The following SGMS1 variants were observed in gnomAD, a reference collection of about 807,000 sequenced individuals.
SGMS1 encodes phosphatidylcholine:ceramide cholinephosphotransferase 1.
SGMS1 carries 13 observed loss-of-function variants against 46.2 expected under a neutral mutation model. That is an observed-to-expected ratio of 0.28 (90% CI 0.18 to 0.45). SGMS1 has a LOEUF of 0.45. Among genes scored for constraint, SGMS1 ranks in the 20% least tolerant of loss-of-function variants. SGMS1 has a pLI of 1.00. For missense variants in SGMS1, 324 were observed against 519.9 expected (o/e 0.62, Z 3.66); for synonymous variants, 203 against 187.8 (o/e 1.08, Z -0.66).
chr10:50,348,664 A>G (rs923266559), intron 6 of SGMS1, among the ~76,000 whole-genome samples: 1 of 152,228 alleles, frequency 6.6e-6, no homozygotes, highest in African/African-American at 2.4e-5. Flanking sequence ...AGGAAATAAG[A>G]GATGACACAA....
At chr10:50,510,043 C>A (rs553801002) in intron 3 of SGMS1, among the ~76,000 whole-genome samples, 25 of 152,180 alleles carry the variant, frequency 1.6e-4, no homozygotes, top group African/African-American at 5.8e-4. Flanking sequence ...TTCCCTATGC[C>A]CTTTGTAGTC....
chr10:50,403,956 A>G (rs574338990), intron 6 of SGMS1, among the ~76,000 whole-genome samples: 1 of 152,114 alleles, frequency 6.6e-6, no homozygotes, highest in African/African-American at 2.4e-5. Context: ...CTTACACCAA[A>G]ATAAAAATCT....
chr10:50,392,200 A>AC (rs1303783261), intron 6 of SGMS1, among the ~76,000 whole-genome samples: 3 of 151,892 alleles, frequency 2.0e-5, no homozygotes, highest in Non-Finnish European at 2.9e-5. Context: ...TAAAAAAAAA[A>AC]AAACTGAAAT....
intron 6 of SGMS1, among the ~76,000 whole-genome samples, chr10:50,352,561 G>A (rs753436890): frequency 2.0e-5 from 3 of 152,112 alleles, no homozygotes; most frequent in Admixed American, 1.3e-4. Context: ...GAAATACTTC[G>A]TTCATATCTA....
At position 50,327,219 on chromosome 10, in the gene SGMS1, T is replaced by G; in HGVS notation, c.727A>C (p.Asn243His). 1 of 1,579,366 alleles carries G rather than the reference T, an allele frequency of 6.3e-7. No homozygotes were observed. Residue 243 changes from asparagine to histidine, a missense_variant, in exon 8 of 11, where the codon AAC (asparagine) becomes CAC (histidine). Physicochemically the swap from Asn to His is moderately conservative, Grantham distance 68 (BLOSUM62 1). Transcript: ENST00000361781. ...TTLPVPGMHF[N>H]CSPKLFGDWE... ...GAATAGTTTACCTTCGGAGAACAGT[T>G]GAAATGCATACCAGGTACTGGGAGT...
chr10:50,387,367 C>T (rs1255117864), intron 6 of SGMS1, among the ~76,000 whole-genome samples: 1 of 152,162 alleles, frequency 6.6e-6, no homozygotes, highest in Non-Finnish European at 1.5e-5. Flanking sequence ...AAACTTCCAC[C>T]ATGGAGGGAG....
At chr10:50,410,118 C>T (rs1208297422) in intron 6 of SGMS1, among the ~76,000 whole-genome samples, 5 of 152,262 alleles carry the variant, frequency 3.3e-5, no homozygotes, top group East Asian at 3.9e-4. Context: ...TTCTTTTACT[C>T]GTTTACATGA....
At position 50,329,350 on chromosome 10, in the gene SGMS1, G is replaced by A. The variant is rs75064124; in HGVS notation, c.624-2028C>T. ...AGTCACATTTACTATTTGACTTAAA[G>A]TGAAAGAGTCAAATGACTTTGAAAA... On this transcript the variant is annotated intron_variant, in intron 7 of 10. Coordinates refer to ENST00000361781, the MANE Select transcript of SGMS1 (RefSeq NM_147156.4). Among the ~76,000 whole-genome samples the A allele has an allele frequency of 9.9e-3, 1,511 of 152,286 alleles. 16 individuals carry two copies. Among genetic ancestry groups the A allele is most frequent in the African/African-American group, 0.034 (1,432 of 41,560 alleles).
chr10:50,529,815 T>C (rs1358039404), intron 2 of SGMS1, among the ~76,000 whole-genome samples: 1 of 152,098 alleles, frequency 6.6e-6, no homozygotes, highest in Non-Finnish European at 1.5e-5. Context: ...CTCTAAACAA[T>C]TAATTACTAT....
At chr10:50,498,939 G>A (rs763208843) in intron 3 of SGMS1, among the ~76,000 whole-genome samples, 16 of 152,084 alleles carry the variant, frequency 1.1e-4, no homozygotes, top group Non-Finnish European at 1.6e-4. Context: ...AATAGTGCAC[G>A]AGTGTTCCAA....
chr10:50,503,213 G>A (rs1837676439), intron 3 of SGMS1, among the ~76,000 whole-genome samples: 1 of 152,102 alleles, frequency 6.6e-6, no homozygotes, highest in Non-Finnish European at 1.5e-5. Context: ...CTTACTACCT[G>A]GGCCAGAGAG....
At chr10:50,611,766 T>C (rs905659096) in intron 1 of SGMS1, among the ~76,000 whole-genome samples, 1 of 152,182 alleles carries the variant, frequency 6.6e-6, no homozygotes, top group African/African-American at 2.4e-5. Flanking sequence ...CTGTGCACCT[T>C]CATCCCTGCC....
At chr10:50,374,083 CTT>C (rs1848485919) in intron 6 of SGMS1, among the ~76,000 whole-genome samples, 1 of 152,284 alleles carries the variant, frequency 6.6e-6, no homozygotes, top group Admixed American at 6.5e-5. Flanking sequence ...GAGCTTTTCT[CTT>C]TGGCACAAAG....
rs1837577475 is a variant in SGMS1, at chr10:50,492,756, T to C, written c.-497-25824A>G. Among the ~76,000 whole-genome samples, 3 of 152,166 alleles carry C rather than the reference T, an allele frequency of 2.0e-5. No individual in the cohort carries two copies. In the South Asian group the frequency reaches 6.2e-4, roughly 32 times the overall value. Reference sequence around the variant, plus strand: ...AAACCAATCTGATTCAATGCTTTCCTATTAAACCACCATTGATATTCTTCA... The same window carrying C: ...AAACCAATCTGATTCAATGCTTTCCCATTAAACCACCATTGATATTCTTCA... On this transcript the variant is annotated intron_variant, in intron 3 of 10. Coordinates refer to ENST00000361781, the MANE Select transcript of SGMS1 (RefSeq NM_147156.4).
At chr10:50,572,037 G>A (rs1476023063) in intron 2 of SGMS1, among the ~76,000 whole-genome samples, 1 of 152,146 alleles carries the variant, frequency 6.6e-6, no homozygotes, top group East Asian at 1.9e-4. Context: ...TCTTGTAACA[G>A]TTCTGACAAC....
At chr10:50,532,225 C>G (rs1441998403) in intron 2 of SGMS1, among the ~76,000 whole-genome samples, 2 of 130,516 alleles carry the variant, frequency 1.5e-5, no homozygotes, top group African/African-American at 5.9e-5. Flanking sequence ...CTGAATGAGA[C>G]TGTGTGTGTG....
At chr10:50,379,934 G>T (rs1848577511) in intron 6 of SGMS1, among the ~76,000 whole-genome samples, 1 of 152,162 alleles carries the variant, frequency 6.6e-6, no homozygotes, top group Non-Finnish European at 1.5e-5. Flanking sequence ...AAGGCCTGAA[G>T]CTTGAGTAAG....
chr10:50,485,591 C>A (rs557823417), intron 3 of SGMS1, among the ~76,000 whole-genome samples: 1 of 152,150 alleles, frequency 6.6e-6, no homozygotes, highest in Non-Finnish European at 1.5e-5. Context: ...ATAGCCAAGA[C>A]AACCCTAAGC....
intron 2 of SGMS1, among the ~76,000 whole-genome samples, chr10:50,538,938 C>T (rs1838028091): frequency 6.6e-6 from 1 of 152,232 alleles, no homozygotes; most frequent in Non-Finnish European, 1.5e-5. Flanking sequence ...ATTTCCCCTA[C>T]TTAAGCTGAT....
Sources: allele counts gnomAD v4.1 joint callset (sites outside exome capture counted in the v4.1 genomes callset), GRCh38; gene constraint gnomAD v4.1.1; transcripts MANE v1.5; gene names NCBI Gene and HGNC (gene_info 2026-07-23, HGNC 2026-07-21).